The following DMD variants were observed in gnomAD, a reference collection of about 807,000 sequenced individuals.
The protein encoded by DMD is mutant dystrophin.
In DMD, 63 loss-of-function variants were observed where a neutral mutation model predicts 330.1. The observed-to-expected ratio is 0.19, with a 90% CI of 0.16 to 0.24. DMD has a LOEUF of 0.24. Ranked by LOEUF, DMD falls within the 10% of genes least tolerant of loss-of-function variation. The pLI, the probability that DMD is intolerant of heterozygous loss-of-function variation, is 1.00. For synonymous variants in DMD, 1,223 were observed against 959.8 expected (o/e 1.27, Z -5.07); for missense variants, 3,344 against 2,684.1 (o/e 1.25, Z -5.43).
At chrX:33,072,026 G>C (rs1168597177) in intron 1 of DMD, among the ~76,000 whole-genome samples, 1 of 112,361 alleles carries the variant, frequency 8.9e-6, no homozygotes, top group Non-Finnish European at 1.9e-5. Flanking sequence ...AATGAAGCCA[G>C]CTAGACTTGA....
intron 55 of DMD, among the ~76,000 whole-genome samples, chrX:31,521,659 A>G (rs1488013120): frequency 8.9e-6 from 1 of 111,982 alleles, no homozygotes; most frequent in Non-Finnish European, 1.9e-5. Flanking sequence ...TTTTTGATCC[A>G]CCCTTCTAAG....
chrX:32,467,461 G>C (rs1038720572), intron 23 of DMD, among the ~76,000 whole-genome samples: 24 of 110,539 alleles, frequency 2.2e-4, no homozygotes, highest in African/African-American at 7.9e-4. Context: ...CAGGAAGAAG[G>C]TGATGTGGTA....
intron 2 of DMD, among the ~76,000 whole-genome samples, chrX:33,005,192 A>G (rs1456217649): frequency 9.2e-6 from 1 of 108,748 alleles, no homozygotes; most frequent in East Asian, 2.9e-4. Context: ...TAGTACTCAT[A>G]TGGTTTTCCT....
chrX:32,441,386 T>C, intron 27 of DMD, 72 bp from the exon 28 acceptor site: 1 of 1,022,480 alleles, frequency 9.8e-7, no homozygotes, highest in Non-Finnish European at 1.4e-6. Flanking sequence ...GCCATTTCAT[T>C]ATTAAAACTT....
At chrX:32,492,908 C>A (rs542847454) in intron 19 of DMD, among the ~76,000 whole-genome samples, 27 of 111,172 alleles carry the variant, frequency 2.4e-4, no homozygotes, top group African/African-American at 8.9e-4. Context: ...AAGGTTCTTT[C>A]TCTAGGTTAA....
At chrX:32,682,601 C>A in intron 9 of DMD, among the ~76,000 whole-genome samples, 1 of 110,745 alleles carries the variant, frequency 9.0e-6, no homozygotes, top group African/African-American at 3.3e-5. Context: ...GAGTTCATAT[C>A]AAAAAAAACA....
chrX:32,614,562 G>C (rs1468093175), intron 11 of DMD, 109 bp from the exon 12 acceptor site: 1 of 647,514 alleles, frequency 1.5e-6, no homozygotes, highest in African/African-American at 2.2e-5. Flanking sequence ...CGCATTTGGG[G>C]GCATCTATTG....
At chrX:31,246,755 G>A (rs780782980) in intron 63 of DMD, among the ~76,000 whole-genome samples, 12 of 110,929 alleles carry the variant, frequency 1.1e-4, no homozygotes, top group Non-Finnish European at 2.1e-4. Flanking sequence ...GTGAAACCCC[G>A]TCTCCACTAA....
Position 31,588,678 on chromosome X carries a change from G to A in DMD, c.8217+38995C>T, listed in dbSNP as rs148603589. On this transcript the variant is annotated intron_variant, in intron 55 of 78. Coordinates refer to ENST00000357033, the MANE Select transcript of DMD (RefSeq NM_004006.3). The stretch of plus-strand genomic sequence containing the variant: ...TGTGAGTAATCAAACTTCTTTTAAT[G>A]GAATTGATCTCTCTATATTGTCATT... 3.9e-4 allele frequency among the ~76,000 whole-genome samples: 43 copies of A among 110,231 alleles called. No individual in the cohort carries two copies. The East Asian group carries it at 0.01, about 26-fold the overall frequency.
At chrX:32,352,294 G>C (rs1389107011) in intron 37 of DMD, among the ~76,000 whole-genome samples, 2 of 110,117 alleles carry the variant, frequency 1.8e-5, no homozygotes, top group Admixed American at 1.9e-4. Context: ...AATTCAAGTA[G>C]AACTTTTATA....
At chrX:33,075,748 C>T (rs2094830672) in intron 1 of DMD, among the ~76,000 whole-genome samples, 1 of 111,585 alleles carries the variant, frequency 9.0e-6, no homozygotes, top group Non-Finnish European at 1.9e-5. Context: ...CTGATGTAAC[C>T]AACTCCCTCT....
intron 30 of DMD, among the ~76,000 whole-genome samples, chrX:32,392,583 G>A (rs756479299): frequency 2.5e-4 from 28 of 111,337 alleles, no homozygotes; most frequent in Non-Finnish European, 4.2e-4. Context: ...TTCGAAAGAG[G>A]GCTGCAATAA....
At chrX:32,884,232 A>T (rs1470487246) in intron 2 of DMD, among the ~76,000 whole-genome samples, 1 of 111,686 alleles carries the variant, frequency 9.0e-6, no homozygotes, top group Non-Finnish European at 1.9e-5. Context: ...CTATACAAAC[A>T]TACCACCCAG....
intron 29 of DMD, among the ~76,000 whole-genome samples, chrX:32,432,387 G>A (rs1255359910): frequency 9.0e-6 from 1 of 111,529 alleles, no homozygotes; most frequent in Non-Finnish European, 1.9e-5. Flanking sequence ...GCATGTTACG[G>A]CATGACTTCA....
At chrX:32,713,357 G>C (rs2065369825) in intron 7 of DMD, among the ~76,000 whole-genome samples, 2 of 111,187 alleles carry the variant, frequency 1.8e-5, no homozygotes, top group South Asian at 3.8e-4. Flanking sequence ...GATTCCAGTT[G>C]CATTAAGCTG....
At chrX:32,194,991 G>A (rs772091267) in intron 44 of DMD, among the ~76,000 whole-genome samples, 56 of 111,386 alleles carry the variant, frequency 5.0e-4, no homozygotes, top group African/African-American at 1.8e-3. Context: ...AATAACAACA[G>A]TAGTAAGAGA....
intron 55 of DMD, among the ~76,000 whole-genome samples, chrX:31,549,446 T>C (rs953095523): frequency 9.8e-5 from 11 of 111,843 alleles, no homozygotes; most frequent in Admixed American, 2.9e-4. Flanking sequence ...ATTCCCAACA[T>C]GCAAAAATTC....
rs2032239690 is a variant in DMD at position 31,120,581 on chromosome X, C to CAG, written c.*1336_*1337dup. On this transcript the variant is annotated 3_prime_UTR_variant, in exon 79 of 79. Transcript: ENST00000357033. The stretch of plus-strand genomic sequence containing the variant: ...AAAAAGCAACAAAAACCAAACCACC[C>CAG]AGTTCCTTTTGACTGTGAGAAGAGG... The CAG allele has an allele frequency of 8.9e-6, 1 of 111,972 alleles. No homozygotes were observed. The highest frequency in any genetic ancestry group is 1.9e-5 in the Non-Finnish European group (1 of 53,164). The allele number at this position is 111,972 out of a possible 1,213,427, so 9.2% of individuals were successfully genotyped here. A position where few individuals can be genotyped will look rare whatever the true frequency, so the allele number is the denominator to read the frequency against.
At chrX:33,170,535 CAA>C (rs2049283737) in intron 1 of DMD, among the ~76,000 whole-genome samples, 1 of 111,280 alleles carries the variant, frequency 9.0e-6, no homozygotes, top group Non-Finnish European at 1.9e-5. Flanking sequence ...ACCCACATTA[CAA>C]ATAATGAGAA....
Sources: allele counts gnomAD v4.1 joint callset (sites outside exome capture counted in the v4.1 genomes callset), GRCh38; gene constraint gnomAD v4.1.1; transcripts MANE v1.5; gene names NCBI Gene and HGNC (gene_info 2026-07-23, HGNC 2026-07-21).